JHY: variants seen among roughly 807,000 people sequenced by gnomAD.
JHY encodes the protein jhy protein homolog.
A neutral mutation model predicts 78.0 loss-of-function variants in JHY; 69 were observed. That is an observed-to-expected ratio of 0.88 (90% CI 0.73 to 1.08). JHY has a LOEUF of 1.08. Among genes scored for constraint, JHY ranks in the 50% least tolerant of loss-of-function variants. The probability of loss-of-function intolerance (pLI) is 0.00; values close to 1 mark genes in which losing one functional copy is unlikely to be tolerated. For missense variants in JHY, 944 were observed against 927.8 expected, an observed-to-expected ratio of 1.02 and a Z score of -0.23; for synonymous variants, 368 against 342.6, an observed-to-expected ratio of 1.07 and a Z score of -0.82.
intron 7 of JHY, 100 bp from the exon 8 acceptor site, chr11:122,957,263 A>G: frequency 7.5e-7 from 1 of 1,329,840 alleles, no homozygotes; most frequent in East Asian, 2.8e-5. Flanking sequence ...TACAGCTGAT[A>G]AGATACGCCC....
In JHY at chr11:122,962,360, A is replaced by G. The variant is rs1356403571; in HGVS notation, c.*2915A>G. On this transcript the variant is annotated 3_prime_UTR_variant, in exon 9 of 9. Coordinates refer to ENST00000227349, the MANE Select transcript of JHY (RefSeq NM_024806.4). ...CATATACCAAAATGTAGCATAAAAG[A>G]TGCCTGTATGAAACCTTCTCTTAAA... 6.6e-6 allele frequency among the ~76,000 whole-genome samples: 1 copy of G among 152,230 alleles called. No individual in the cohort carries two copies. Among genetic ancestry groups the G allele is most frequent in the Non-Finnish European group, 1.5e-5 (1 of 68,038 alleles).
At chr11:122,910,994 G>A (rs1403948431) in intron 3 of JHY, among the ~76,000 whole-genome samples, 2 of 152,108 alleles carry the variant, frequency 1.3e-5, no homozygotes, top group Non-Finnish European at 2.9e-5. Flanking sequence ...TAAGTATCAC[G>A]GTCAGGCAGT....
chr11:122,901,817 T>G (rs1386115610), intron 2 of JHY, among the ~76,000 whole-genome samples: 1 of 150,664 alleles, frequency 6.6e-6, no homozygotes, highest in Non-Finnish European at 1.5e-5. Flanking sequence ...AGCTTGCAGT[T>G]AACCAAGATA....
Position 122,963,736 on chromosome 11 carries a change from C to G in JHY, c.*4291C>G, listed in dbSNP as rs916295695. ...CTGCCAATTAGAAAACAAAAAACTT[C>G]AAACTTAAGTGATGTAATGATGGAG... On this transcript the variant is annotated 3_prime_UTR_variant, in exon 9 of 9. Coordinates refer to ENST00000227349, the MANE Select transcript of JHY (RefSeq NM_024806.4). 6.6e-6 allele frequency among the ~76,000 whole-genome samples: 1 copy of G among 152,114 alleles called. No homozygotes were observed. The highest frequency in any genetic ancestry group is 2.4e-5 in the African/African-American group (1 of 41,442).
intron 3 of JHY, among the ~76,000 whole-genome samples, chr11:122,914,887 G>A (rs1025142728): frequency 6.6e-6 from 1 of 151,942 alleles, no homozygotes; most frequent in African/African-American, 2.4e-5. Context: ...ACTTATGACA[G>A]CATAATTTCA....
intron 3 of JHY, among the ~76,000 whole-genome samples, chr11:122,924,057 G>A (rs1765023415): frequency 6.6e-6 from 1 of 151,964 alleles, no homozygotes; most frequent in Non-Finnish European, 1.5e-5. Context: ...TTTTTAAATA[G>A]TAGATAGGTA....
chr11:122,888,551 A>G (rs1163439672), intron 2 of JHY, among the ~76,000 whole-genome samples: 1 of 151,572 alleles, frequency 6.6e-6, no homozygotes, highest in Non-Finnish European at 1.5e-5. Flanking sequence ...TTTTTTTTTA[A>G]TCATGCAAAA....
chr11:122,915,199 T>G (rs1863210135), intron 3 of JHY, among the ~76,000 whole-genome samples: 4 of 152,240 alleles, frequency 2.6e-5, no homozygotes. Context: ...TGCACCGTTC[T>G]GTAGTAAAGT....
chr11:122,905,344 C>A, intron 3 of JHY: 1 of 1,540,406 alleles, frequency 6.5e-7, no homozygotes, highest in Admixed American at 2.1e-5. Flanking sequence ...ACCACTCTTA[C>A]TGGAAAGAGC....
At chr11:122,927,554 C>T (rs1863534383) in intron 4 of JHY, among the ~76,000 whole-genome samples, 1 of 152,034 alleles carries the variant, frequency 6.6e-6, no homozygotes. Context: ...CCAATGCCTT[C>T]TTTTTAGTGC....
intron 3 of JHY, among the ~76,000 whole-genome samples, chr11:122,907,383 A>T (rs913706861): frequency 2.0e-5 from 3 of 152,094 alleles, no homozygotes; most frequent in African/African-American, 7.2e-5. Context: ...AGCCTAAGAC[A>T]CTGAAAAGGC....
chr11:122,926,273 C>T (rs1422990305), intron 4 of JHY, among the ~76,000 whole-genome samples: 2 of 141,702 alleles, frequency 1.4e-5, no homozygotes, highest in African/African-American at 4.9e-5. Flanking sequence ...TTTCTTGACC[C>T]GTGTATGTGG....
chr11:122,916,275 A>G (rs1274972487), intron 3 of JHY, among the ~76,000 whole-genome samples: 1 of 152,234 alleles, frequency 6.6e-6, no homozygotes, highest in Non-Finnish European at 1.5e-5. Context: ...TACATATAAC[A>G]AAATATCACA....
At chr11:122,947,065 ACTC>A (rs1051434090) in intron 6 of JHY, 4 of 312,170 alleles carry the variant, frequency 1.3e-5, no homozygotes, top group Admixed American at 4.9e-5. Context: ...GAGTGGCAGA[ACTC>A]CTCCTTTCAT....
intron 2 of JHY, among the ~76,000 whole-genome samples, chr11:122,892,677 G>A (rs1470781440): frequency 6.6e-6 from 1 of 152,142 alleles, no homozygotes; most frequent in African/African-American, 2.4e-5. Context: ...GCTTTCATGT[G>A]TGTTGTTTCT....
chr11:122,902,636 G>C (rs765266524), intron 2 of JHY, among the ~76,000 whole-genome samples: 2 of 152,092 alleles, frequency 1.3e-5, no homozygotes, highest in Non-Finnish European at 2.9e-5. Context: ...AGGAAACCTC[G>C]GGAAACTTAC....
rs2135355140 is a variant in JHY, at chr11:122,934,492, A to G, written c.1051A>G (p.Met351Val). The change falls in exon 5 of 9, where the codon ATG becomes GTG. Residue 351 changes from methionine (M) to valine (V), a missense_variant. Coordinates refer to ENST00000227349, the MANE Select transcript of JHY (RefSeq NM_024806.4). ...SNVPRGQPSD[M>V]VNDHQPSRRP... ...TGTACCAAGAGGGCAACCTTCTGAC[A>G]TGGTGAATGACCATCAACCTTCCAG... 2.5e-6 allele frequency: 4 copies of G among 1,614,052 alleles called. No homozygotes were observed. The East Asian group carries it at 8.9e-5, about 36-fold the overall frequency.
chr11:122,930,075 G>T (rs61910323), intron 4 of JHY, among the ~76,000 whole-genome samples: 35,342 of 151,946 alleles, frequency 0.23, 4,636 homozygotes, highest in Middle Eastern at 0.3. Context: ...GAAAGAGATA[G>T]ATTTTTCTTT....
chr11:122,928,883 C>T (rs12418313), intron 4 of JHY, among the ~76,000 whole-genome samples: 311 of 152,098 alleles, frequency 2.0e-3, no homozygotes, highest in Non-Finnish European at 3.2e-3. Context: ...CTCCTGACCT[C>T]GTGATCCGCC....
Sources: gnomAD v4.1 joint callset for allele counts (sites outside exome capture counted in the v4.1 genomes callset) on GRCh38, gnomAD v4.1.1 for gene constraint, MANE v1.5 for transcripts, NCBI Gene and HGNC (gene_info 2026-07-23, HGNC 2026-07-21) for gene names.